STYXL1: variants seen among roughly 807,000 people sequenced by gnomAD.
STYXL1 encodes the protein serine/threonine/tyrosine-interacting-like protein 1.
Under a neutral mutation model 36.4 loss-of-function variants are expected in STYXL1, and 32 were observed. The observed-to-expected ratio is 0.88, with a 90% CI of 0.66 to 1.18. The LOEUF (loss-of-function observed/expected upper bound fraction) is 1.18. Among genes scored for constraint, STYXL1 ranks in the 50% most tolerant of loss-of-function variants. STYXL1 has a pLI of 0.00. For missense variants in STYXL1, 354 were observed against 394.1 expected (o/e 0.90, Z 0.86); for synonymous variants, 133 against 144.1 (o/e 0.92, Z 0.55).
At chr7:76,016,223 CATAT>C (rs1219876935) in intron 4 of STYXL1, among the ~76,000 whole-genome samples, 2 of 150,778 alleles carry the variant, frequency 1.3e-5, no homozygotes, top group African/African-American at 4.9e-5. Context: ...TATAGGGATA[CATAT>C]ATATAATTAT....
chr7:76,046,146 T>A (rs931122484), intron 1 of STYXL1, among the ~76,000 whole-genome samples: 5 of 152,164 alleles, frequency 3.3e-5, no homozygotes, highest in Admixed American at 6.5e-5. Context: ...TTTCCCATTG[T>A]TAAATGCTCA....
rs1341572711 is a variant in STYXL1 at position 76,021,847 on chromosome 7, C to T, written c.307+4G>A. 2 of 1,604,336 alleles carry T rather than the reference C, an allele frequency of 1.2e-6. No individual in the cohort carries two copies. The highest frequency in any genetic ancestry group is 1.7e-6 in the Non-Finnish European group (2 of 1,172,588). The stretch of plus-strand genomic sequence containing the variant: ...TATTCTTGCTGCTGTTGCATAAAAC[C>T]CACCTTTGCCATCACCATCAGAGTC... On this transcript the variant is annotated splice_donor_region_variant and intron_variant, in intron 4 of 8. Coordinates refer to ENST00000359697, the MANE Select transcript of STYXL1 (RefSeq NM_001317785.2).
chr7:76,009,103 G>A (rs59882870), intron 5 of STYXL1, among the ~76,000 whole-genome samples: 27,013 of 152,040 alleles, frequency 0.18, 2,725 homozygotes, highest in East Asian at 0.28. Flanking sequence ...CCTTTTCTGC[G>A]GTTGTGTGGG....
At chr7:76,000,311 C>T (rs1193807340) in intron 8 of STYXL1, 3 of 416,128 alleles carry the variant, frequency 7.2e-6, no homozygotes, top group South Asian at 5.1e-5. Flanking sequence ...CACTGGCCAA[C>T]GAGTTTTATT....
At chr7:76,045,070 T>A (rs1796821929) in intron 1 of STYXL1, 1 of 152,180 alleles carries the variant, frequency 6.6e-6, no homozygotes, top group Admixed American at 6.5e-5. Context: ...TTTTTTCTCC[T>A]CTCCTTTGGT....
intron 1 of STYXL1, among the ~76,000 whole-genome samples, chr7:76,043,110 C>G (rs76680062): frequency 6.6e-6 from 1 of 152,188 alleles, no homozygotes; most frequent in Admixed American, 6.6e-5. Context: ...AGAAGGCCAA[C>G]TAGTAGCTAT....
intron 3 of STYXL1, 25 bp downstream of exon 3, chr7:76,028,617 C>G: frequency 6.2e-7 from 1 of 1,612,372 alleles, no homozygotes; most frequent in Non-Finnish European, 8.5e-7. Flanking sequence ...CCAGCCTGCC[C>G]CAGATCCTGA....
chr7:76,005,807 G>A lies in STYXL1; in HGVS notation c.454-403C>T, dbSNP rs1268464245. Among the ~76,000 whole-genome samples the A allele has an allele frequency of 4.0e-5, 6 of 149,448 alleles. No homozygotes were observed. In the East Asian group the frequency reaches 9.9e-4, roughly 25 times the overall value. On this transcript the variant is annotated intron_variant, in intron 5 of 8. Transcript: ENST00000359697. ...ACCAGAATTTAAGCATCGAGAGAGAGAGAGAAGGAGGAGGAGGAGGAAGAG... is the reference window on the plus strand; with the variant it reads ...ACCAGAATTTAAGCATCGAGAGAGAAAGAGAAGGAGGAGGAGGAGGAAGAG...
chr7:76,005,387 C>T lies in STYXL1; in HGVS notation c.471G>A (p.Gln157=). ...CTGGCACGATTTCAATGGGGTATGG[C>T]TGAAATGCATCCAGTTCCTGAAGTG... ...IWMPQELDAF[Q]PYPIEIVPGK... Residue 157 remains glutamine, a synonymous_variant, in exon 6 of 9, where the codon CAG becomes CAA. Coordinates refer to ENST00000359697, the MANE Select transcript of STYXL1 (RefSeq NM_001317785.2). The T allele has an allele frequency of 1.9e-6, 3 of 1,612,346 alleles. No individual in the cohort carries two copies. In the South Asian group the frequency reaches 3.3e-5, roughly 18 times the overall value.
Position 76,014,183 on chromosome 7 carries a change from C to T in STYXL1, c.308-296G>A, listed in dbSNP as rs552896507. Among the ~76,000 whole-genome samples, 149 of 151,926 alleles carry T rather than the reference C, an allele frequency of 9.8e-4. 1 individual carries two copies. In the Middle Eastern group the frequency reaches 0.017, roughly 17 times the overall value. On this transcript the variant is annotated intron_variant, in intron 4 of 8. Transcript: ENST00000359697. ...ATAGACAGGGTTTCACCATGTTTGC[C>T]AGCCTGGTTTTGAACTCCTCAGCTC...
chr7:76,011,919 G>A (rs1281787223), intron 5 of STYXL1, among the ~76,000 whole-genome samples: 6 of 152,220 alleles, frequency 3.9e-5, no homozygotes, highest in Non-Finnish European at 7.4e-5. Context: ...TCTCAAAATT[G>A]TTTTGTTTTG....
chr7:76,035,213 A>G (rs1024437608), intron 1 of STYXL1, among the ~76,000 whole-genome samples: 2 of 130,730 alleles, frequency 1.5e-5, no homozygotes, highest in Non-Finnish European at 1.8e-5. Flanking sequence ...GGACACTACA[A>G]TCTCTCTCCT....
At chr7:76,001,816 T>TC (rs1554567688) in intron 7 of STYXL1, among the ~76,000 whole-genome samples, 5 of 149,644 alleles carry the variant, frequency 3.3e-5, no homozygotes, top group African/African-American at 7.5e-5. Context: ...TTTTTTTTTT[T>TC]CAATATAGAC....
intron 1 of STYXL1, among the ~76,000 whole-genome samples, chr7:76,042,369 CTCCCTGGGTGCCCT>C (rs1254987834): frequency 3.7e-5 from 5 of 133,610 alleles, no homozygotes; most frequent in Non-Finnish European, 7.8e-5. Context: ...CCACCAACTG[CTCCCTGGGTGCCCT>C]TATGTGCTTT....
chr7:76,000,858 C>A, intron 8 of STYXL1, 32 bp downstream of exon 8: 1 of 1,594,068 alleles, frequency 6.3e-7, no homozygotes, highest in Non-Finnish European at 8.6e-7. Flanking sequence ...AGGGGGTGGC[C>A]GTGGTGCGAG....
intron 8 of STYXL1, chr7:76,000,532 C>T (rs782706769): frequency 6.4e-6 from 3 of 466,786 alleles, no homozygotes; most frequent in South Asian, 4.6e-5. Flanking sequence ...GCCCAAGGTA[C>T]AGGGAGATAG....
chr7:76,006,633 G>A (rs951190538), intron 5 of STYXL1, among the ~76,000 whole-genome samples: 27 of 151,746 alleles, frequency 1.8e-4, no homozygotes, highest in African/African-American at 2.9e-4. Flanking sequence ...GCATGGTGGC[G>A]GGCACCTGTA....
intron 5 of STYXL1, among the ~76,000 whole-genome samples, chr7:76,012,542 G>T (rs1245520432): frequency 6.6e-6 from 1 of 152,070 alleles, no homozygotes; most frequent in African/African-American, 2.4e-5. Flanking sequence ...TACAAGACAG[G>T]TGGGCCACTA....
chr7:76,021,886 T>A lies in STYXL1; in HGVS notation c.272A>T (p.Asp91Val), dbSNP rs1181080046. ...ACCATCAGAGTCTGAATCATCATCA[T>A]CATCTTTTAAGAGTATCTCCAGGGT... Reference protein sequence around the residue: ...SSTLEILLKDDDDDSDSDGDG... With the variant: ...SSTLEILLKDVDDDSDSDGDG... The change falls in exon 4 of 9, where the codon GAT becomes GTT. Residue 91 changes from aspartate (D) to valine (V), a missense_variant. Asp to Val is a radical substitution (Grantham distance 152). Transcript: ENST00000359697. 9.3e-6 allele frequency: 15 copies of A among 1,613,748 alleles called. No individual in the cohort carries two copies. The highest frequency in any genetic ancestry group is 1.3e-5 in the Non-Finnish European group (15 of 1,179,950).
Sources: gnomAD v4.1 joint callset for allele counts (sites outside exome capture counted in the v4.1 genomes callset) on GRCh38, gnomAD v4.1.1 for gene constraint, MANE v1.5 for transcripts, NCBI Gene and HGNC (gene_info 2026-07-23, HGNC 2026-07-21) for gene names.